The following TBL1X variants were observed in gnomAD, a reference collection of about 807,000 sequenced individuals.
TBL1X encodes the protein transducin beta like 1 X-linked, also known as F-box-like/WD repeat-containing protein TBL1X.
In TBL1X, 10 loss-of-function variants were observed where a neutral mutation model predicts 50.7. The ratio of observed to expected loss-of-function variants is 0.20; its 90% confidence interval spans 0.12 to 0.33. The LOEUF (loss-of-function observed/expected upper bound fraction) is 0.33, where lower values mean the gene tolerates loss of function less well. Among genes scored for constraint, TBL1X ranks in the 10% least tolerant of loss-of-function variants. The probability of loss-of-function intolerance (pLI) is 1.00; values close to 1 mark genes in which losing one functional copy is unlikely to be tolerated. For synonymous variants in TBL1X, 190 were observed against 214.7 expected, an observed-to-expected ratio of 0.88 and a Z score of 1.01; for missense variants, 340 against 504.4, an observed-to-expected ratio of 0.67 and a Z score of 3.12.
chrX:9,615,880 A>G (rs1445101245), intron 2 of TBL1X, among the ~76,000 whole-genome samples: 1 of 112,239 alleles, frequency 8.9e-6, no homozygotes, highest in Non-Finnish European at 1.9e-5. Context: ...AGCACCTTGC[A>G]GAACATTTGC....
chrX:9,660,876 GT>G (rs779103874), intron 5 of TBL1X, among the ~76,000 whole-genome samples: 47 of 112,569 alleles, frequency 4.2e-4, no homozygotes, highest in African/African-American at 1.2e-3. Context: ...GAATTCCTAT[GT>G]TGAAATCCTA....
intron 2 of TBL1X, among the ~76,000 whole-genome samples, chrX:9,514,351 C>T (rs1601725992): frequency 9.1e-6 from 1 of 109,654 alleles, no homozygotes. Context: ...TTTTAATTTG[C>T]AGGAGATTGA....
chrX:9,685,671 G>GA (rs1208762710), intron 6 of TBL1X, among the ~76,000 whole-genome samples: 1 of 105,314 alleles, frequency 9.5e-6, no homozygotes, highest in East Asian at 3.0e-4. Flanking sequence ...AACTCTTTTA[G>GA]AAAATCACAA....
chrX:9,503,346 C>G, intron 2 of TBL1X, among the ~76,000 whole-genome samples: 1 of 112,979 alleles, frequency 8.9e-6, no homozygotes, highest in Non-Finnish European at 1.9e-5. Context: ...ACCAGGGCCT[C>G]GTGTCCCAGC....
intron 2 of TBL1X, among the ~76,000 whole-genome samples, chrX:9,597,166 A>C (rs1425018810): frequency 8.1e-5 from 9 of 111,743 alleles, no homozygotes; most frequent in African/African-American, 2.9e-4. Flanking sequence ...GTTAGAAATA[A>C]AGTTCAACAA....
intron 2 of TBL1X, among the ~76,000 whole-genome samples, chrX:9,576,119 T>C (rs919338647): frequency 9.0e-6 from 1 of 110,977 alleles, no homozygotes; most frequent in Non-Finnish European, 1.9e-5. Context: ...GTTTTGATAT[T>C]CCCCCCCCTC....
In TBL1X at chrX:9,716,248, C is replaced by T. The variant is rs373968030; in HGVS notation, c.*2C>T. ...TGTGTTTTGGATCTGCGGAAGTAAC[C>T]ACAAAATATTATCGAAAAAAGAAAA... On this transcript the variant is annotated 3_prime_UTR_variant, in exon 18 of 18. Coordinates refer to ENST00000645353, the MANE Select transcript of TBL1X (RefSeq NM_005647.4). 10 of 1,207,041 alleles carry T rather than the reference C, an allele frequency of 8.3e-6. No homozygotes were observed. In the African/African-American group the frequency reaches 1.8e-4, roughly 21 times the overall value.
chrX:9,681,512 T>C (rs1450140871), intron 5 of TBL1X, among the ~76,000 whole-genome samples: 5 of 112,320 alleles, frequency 4.5e-5, no homozygotes, highest in Non-Finnish European at 9.4e-5. Flanking sequence ...CAGGTTTGGT[T>C]GAAGATGGTA....
chrX:9,611,860 A>G (rs1221225312), intron 2 of TBL1X, among the ~76,000 whole-genome samples: 1 of 112,235 alleles, frequency 8.9e-6, no homozygotes, highest in East Asian at 2.8e-4. Context: ...AACCTCAGCC[A>G]GGCAGGATCC....
intron 2 of TBL1X, among the ~76,000 whole-genome samples, chrX:9,596,846 T>C (rs746137466): frequency 2.7e-5 from 3 of 111,040 alleles, no homozygotes; most frequent in South Asian, 7.7e-4. Context: ...TGGTGGTCTC[T>C]GAGAACCCAT....
At chrX:9,575,451 A>T (rs2082406458) in intron 2 of TBL1X, among the ~76,000 whole-genome samples, 1 of 111,729 alleles carries the variant, frequency 9.0e-6, no homozygotes, top group Non-Finnish European at 1.9e-5. Context: ...TCAGGTAAAT[A>T]CTCACAACAT....
At chrX:9,638,613 A>G (rs906855973) in intron 2 of TBL1X, among the ~76,000 whole-genome samples, 3 of 112,274 alleles carry the variant, frequency 2.7e-5, no homozygotes, top group Non-Finnish European at 5.6e-5. Context: ...TTTGTGGGTT[A>G]CCATCTGTTT....
chrX:9,646,187 T>C (rs1160470386), intron 3 of TBL1X, among the ~76,000 whole-genome samples: 3 of 112,562 alleles, frequency 2.7e-5, no homozygotes, highest in African/African-American at 9.7e-5. Flanking sequence ...ATCATCTTCA[T>C]GGCGGCCTGA....
intron 2 of TBL1X, among the ~76,000 whole-genome samples, chrX:9,550,146 G>T (rs1247758141): frequency 9.0e-6 from 1 of 111,092 alleles, no homozygotes; most frequent in Non-Finnish European, 1.9e-5. Flanking sequence ...GGAGGTGTGG[G>T]CCTGGGATCC....
chrX:9,575,920 G>A (rs1284463256), intron 2 of TBL1X, among the ~76,000 whole-genome samples: 5 of 111,734 alleles, frequency 4.5e-5, no homozygotes, highest in South Asian at 3.7e-4. Flanking sequence ...TCTGTTGTCA[G>A]TGTGGACATA....
intron 1 of TBL1X, among the ~76,000 whole-genome samples, chrX:9,483,155 T>A (rs985182237): frequency 1.8e-5 from 2 of 111,517 alleles, no homozygotes; most frequent in African/African-American, 6.5e-5. Context: ...AAGGTCAGCA[T>A]TGCAGAAATT....
intron 12 of TBL1X, among the ~76,000 whole-genome samples, chrX:9,700,519 C>T (rs1196323044): frequency 8.9e-6 from 1 of 111,936 alleles, no homozygotes; most frequent in Non-Finnish European, 1.9e-5. Flanking sequence ...GAGGTAGACC[C>T]AATTCCCGTC....
chrX:9,614,970 G>T (rs755994699), intron 2 of TBL1X, among the ~76,000 whole-genome samples: 11 of 111,678 alleles, frequency 9.8e-5, no homozygotes, highest in Middle Eastern at 9.2e-3. Context: ...ACCTGGGATT[G>T]CTAGGGTATA....
intron 2 of TBL1X, among the ~76,000 whole-genome samples, chrX:9,585,648 T>C (rs1381982241): frequency 9.0e-6 from 1 of 111,273 alleles, no homozygotes; most frequent in Non-Finnish European, 1.9e-5. Context: ...GCCACAGGTC[T>C]GAAACTGTGG....
Sources: gnomAD v4.1 joint callset for allele counts (sites outside exome capture counted in the v4.1 genomes callset) on GRCh38, gnomAD v4.1.1 for gene constraint, MANE v1.5 for transcripts, NCBI Gene and HGNC (gene_info 2026-07-23, HGNC 2026-07-21) for gene names.